ITCH: variants seen among roughly 807,000 people sequenced by gnomAD.
The protein encoded by ITCH is E3 ubiquitin-protein ligase Itchy homolog.
In ITCH, 28 loss-of-function variants were observed where a neutral mutation model predicts 126.8. That is an observed-to-expected ratio of 0.22 (90% confidence interval 0.16 to 0.30). The LOEUF (loss-of-function observed/expected upper bound fraction) is 0.30, where lower values mean the gene tolerates loss of function less well. ITCH is among the 10% of genes least tolerant of loss of function. The pLI, the probability that ITCH is intolerant of heterozygous loss-of-function variation, is 1.00. For synonymous variants in ITCH, 342 were observed against 340.0 expected (o/e 1.01, Z -0.06); for missense variants, 631 against 1,032.4 (o/e 0.61, Z 5.33).
At chr20:34,439,335 A>G (rs1382072788) in intron 8 of ITCH, among the ~76,000 whole-genome samples, 1 of 152,118 alleles carries the variant, frequency 6.6e-6, no homozygotes, top group African/African-American at 2.4e-5. Flanking sequence ...GAATGTGGTG[A>G]CATCTCAGCT....
At chr20:34,430,868 G>C (rs1982198824) in intron 7 of ITCH, among the ~76,000 whole-genome samples, 2 of 152,226 alleles carry the variant, frequency 1.3e-5, no homozygotes, top group African/African-American at 4.8e-5. Flanking sequence ...GTGGTGGTGA[G>C]TGAAGGTTGA....
Position 34,440,286 on chromosome 20 carries a change from T to TC in ITCH, c.812dup (p.Gly272TrpfsTer6). Reference sequence around the variant, plus strand: ...TGGATTAATAATTCCTCTTACTATATCTGGAGGCTCAGGCCCTAGGCCATT... The same window carrying TC: ...TGGATTAATAATTCCTCTTACTATATCCTGGAGGCTCAGGCCCTAGGCCATT... On this transcript the variant is annotated frameshift_variant, in exon 9 of 25. Coordinates refer to ENST00000374864, the MANE Select transcript of ITCH (RefSeq NM_031483.7). LOFTEE classifies it high-confidence loss of function. The TC allele has an allele frequency of 6.2e-7, 1 of 1,614,120 alleles. No homozygotes were observed. Among genetic ancestry groups the TC allele is most frequent in the Non-Finnish European group, 8.5e-7 (1 of 1,179,990 alleles).
At chr20:34,480,478 A>G in intron 18 of ITCH, 121 bp from the exon 19 acceptor site, 1 of 1,188,240 alleles carries the variant, frequency 8.4e-7, no homozygotes, top group Admixed American at 1.7e-5. Context: ...CTGGGATTAC[A>G]GGCGTGAGCC....
At chr20:34,385,463 G>A (rs186688373) in intron 2 of ITCH, among the ~76,000 whole-genome samples, 1 of 152,068 alleles carries the variant, frequency 6.6e-6, no homozygotes, top group African/African-American at 2.4e-5. Flanking sequence ...ACTTATAGTA[G>A]TACAACAATA....
At chr20:34,405,468 G>A (rs1042119771) in intron 3 of ITCH, among the ~76,000 whole-genome samples, 2 of 151,882 alleles carry the variant, frequency 1.3e-5, no homozygotes, top group African/African-American at 4.8e-5. Flanking sequence ...TTGTGCCATT[G>A]CACTCTAGCC....
intron 3 of ITCH, among the ~76,000 whole-genome samples, chr20:34,400,232 C>T (rs561814597): frequency 5.3e-5 from 8 of 152,212 alleles, no homozygotes; most frequent in African/African-American, 1.2e-4. Flanking sequence ...CCACTGCGCC[C>T]GGCCAAAAAT....
At chr20:34,427,032 C>T (rs1247187775) in intron 7 of ITCH, among the ~76,000 whole-genome samples, 1 of 152,102 alleles carries the variant, frequency 6.6e-6, no homozygotes, top group East Asian at 1.9e-4. Context: ...CCTCAGCCTT[C>T]CAAAGTGCTG....
chr20:34,382,756 T>G (rs1342930110), intron 2 of ITCH, among the ~76,000 whole-genome samples: 1 of 148,490 alleles, frequency 6.7e-6, no homozygotes, highest in Non-Finnish European at 1.5e-5. Context: ...TTATTATTAT[T>G]ATTTTGAGAC....
intron 10 of ITCH, among the ~76,000 whole-genome samples, chr20:34,444,221 A>G (rs528187906): frequency 9.2e-5 from 14 of 152,302 alleles, no homozygotes; most frequent in East Asian, 7.7e-4. Flanking sequence ...AACACAATCA[A>G]TTCTTTCAAA....
intron 22 of ITCH, 63 bp downstream of exon 22, chr20:34,489,989 CAT>C (rs1357123143): frequency 8.1e-7 from 1 of 1,228,838 alleles, no homozygotes; most frequent in African/African-American, 1.5e-5. Flanking sequence ...TTGCTTACCA[CAT>C]ATGGAAATGA....
intron 6 of ITCH, among the ~76,000 whole-genome samples, chr20:34,419,919 CT>C (rs1334539172): frequency 5.2e-4 from 75 of 144,846 alleles, no homozygotes; most frequent in Middle Eastern, 3.6e-3. Flanking sequence ...ATTTGCTTAG[CT>C]TTTTTTTTTT....
chr20:34,469,536 C>T (rs538513001), intron 14 of ITCH, among the ~76,000 whole-genome samples: 11 of 152,122 alleles, frequency 7.2e-5, no homozygotes, highest in African/African-American at 1.7e-4. Flanking sequence ...ATGATCCACC[C>T]GCCTCAGCCT....
At chr20:34,455,467 T>A (rs1017701122) in intron 12 of ITCH, among the ~76,000 whole-genome samples, 1 of 151,754 alleles carries the variant, frequency 6.6e-6, no homozygotes, top group African/African-American at 2.4e-5. Context: ...GAGAAAATGA[T>A]ATCCACATTT....
intron 2 of ITCH, among the ~76,000 whole-genome samples, chr20:34,389,809 T>C (rs2038419492): frequency 6.6e-6 from 1 of 151,482 alleles, no homozygotes; most frequent in Non-Finnish European, 1.5e-5. Context: ...GTTACAGGCA[T>C]TGTTTAAAGA....
At chr20:34,402,386 C>A in intron 3 of ITCH, 1 of 799,358 alleles carries the variant, frequency 1.3e-6, no homozygotes, top group Non-Finnish European at 2.3e-6. Context: ...TGGGTCCCAA[C>A]AAGCAACAAA....
At chr20:34,449,660 A>C (rs1984952644) in intron 12 of ITCH, among the ~76,000 whole-genome samples, 180 bp downstream of exon 12, 1 of 151,994 alleles carries the variant, frequency 6.6e-6, no homozygotes, top group South Asian at 2.1e-4. Context: ...AATTCCCCAA[A>C]CATTAAGTGG....
intron 23 of ITCH, among the ~76,000 whole-genome samples, chr20:34,493,725 G>T (rs541940665): frequency 6.6e-6 from 1 of 152,310 alleles, no homozygotes; most frequent in East Asian, 1.9e-4. Flanking sequence ...TGAATTTAAG[G>T]TAACTGCTGG....
chr20:34,371,313 C>A (rs376128662), intron 2 of ITCH, among the ~76,000 whole-genome samples: 1 of 140,066 alleles, frequency 7.1e-6, no homozygotes, highest in Non-Finnish European at 1.5e-5. Context: ...GAGATGGAGC[C>A]TTCCCCAGGC....
chr20:34,467,548 A>G (rs528340136), intron 14 of ITCH, among the ~76,000 whole-genome samples: 14 of 151,566 alleles, frequency 9.2e-5, no homozygotes, highest in Non-Finnish European at 1.9e-4. Context: ...GAAAAAAAAG[A>G]TTTCTCATGA....
Sources: allele counts gnomAD v4.1 joint callset (sites outside exome capture counted in the v4.1 genomes callset), GRCh38; gene constraint gnomAD v4.1.1; transcripts MANE v1.5; gene names NCBI Gene and HGNC (gene_info 2026-07-23, HGNC 2026-07-21).